PCSK5: variants seen among roughly 807,000 people sequenced by gnomAD.
PCSK5 encodes the protein proprotein convertase subtilisin/kexin type 5.
Under a neutral mutation model 233.2 loss-of-function variants are expected in PCSK5, and 129 were observed. The observed-to-expected ratio is 0.55, with a 90% CI of 0.48 to 0.64. The LOEUF (loss-of-function observed/expected upper bound fraction) is 0.64, where lower values mean the gene tolerates loss of function less well. PCSK5 is among the 30% of genes least tolerant of loss of function. The pLI, the probability that PCSK5 is intolerant of heterozygous loss-of-function variation, is 0.00. For synonymous variants in PCSK5, 825 were observed against 879.2 expected, an observed-to-expected ratio of 0.94 and a Z score of 1.09; for missense variants, 2,076 against 2,430.1, an observed-to-expected ratio of 0.85 and a Z score of 3.06.
intron 3 of PCSK5, among the ~76,000 whole-genome samples, chr9:76,003,031 T>C (rs1827325864): frequency 1.3e-5 from 2 of 152,360 alleles, no homozygotes; most frequent in South Asian, 4.1e-4. Context: ...CTTGTTTTCT[T>C]ACTATGGAGC....
chr9:76,255,549 A>C (rs1044432581), intron 24 of PCSK5, among the ~76,000 whole-genome samples: 1 of 152,204 alleles, frequency 6.6e-6, no homozygotes, highest in Non-Finnish European at 1.5e-5. Context: ...GGCTAGGCTC[A>C]GTGGCTTACA....
At chr9:75,976,618 T>G (rs539844430) in intron 2 of PCSK5, among the ~76,000 whole-genome samples, 14 of 152,048 alleles carry the variant, frequency 9.2e-5, no homozygotes, top group Admixed American at 2.6e-4. Flanking sequence ...AAAATTGTCC[T>G]TACAAGTTGT....
chr9:76,188,446 C>T lies in PCSK5; in HGVS notation c.2283-132C>T, dbSNP rs72738798. The T allele has an allele frequency of 8.6e-4, 529 of 616,830 alleles. 1 individual carries two copies. Among genetic ancestry groups the T allele is most frequent in the Non-Finnish European group, 1.3e-3 (455 of 342,986 alleles). 38.2% of individuals were successfully genotyped at this position (616,830 alleles called of 1,614,324 possible). A position where few individuals can be genotyped will look rare whatever the true frequency, so the allele number is the denominator to read the frequency against. Reference sequence around the variant, plus strand: ...AAAAAGGGTACACGGGCTATTTCCCCGGCTTTGAAGCTTTGCCAAATCCAC... The same window carrying T: ...AAAAAGGGTACACGGGCTATTTCCCTGGCTTTGAAGCTTTGCCAAATCCAC... On this transcript the variant is annotated intron_variant, in intron 17 of 37. Transcript: ENST00000674117.
chr9:76,142,642 ATAAT>A (rs1823273929), intron 10 of PCSK5, among the ~76,000 whole-genome samples: 1 of 152,230 alleles, frequency 6.6e-6, no homozygotes, highest in Non-Finnish European at 1.5e-5. Context: ...TATTCAGTTA[ATAAT>A]TCTGTTCAGA....
intron 10 of PCSK5, among the ~76,000 whole-genome samples, chr9:76,143,564 T>TGAAAG (rs57842870): frequency 0.33 from 49,606 of 151,628 alleles, 8,569 homozygotes; most frequent in African/African-American, 0.42. Context: ...CTGGTTGAAA[T>TGAAAG]GAAATTGTCT....
At chr9:76,232,729 T>C (rs150622376) in intron 21 of PCSK5, among the ~76,000 whole-genome samples, 1 of 152,188 alleles carries the variant, frequency 6.6e-6, no homozygotes, top group Admixed American at 6.5e-5. Flanking sequence ...CAAAGAATAA[T>C]GAAGCAAAAC....
chr9:76,348,207 G>A (rs9987416), intron 35 of PCSK5, among the ~76,000 whole-genome samples: 56,127 of 151,898 alleles, frequency 0.37, 10,456 homozygotes, highest in Middle Eastern at 0.52. Context: ...TTAGGTGTTC[G>A]AGACCAGCCT....
chr9:76,001,531 A>C (rs1476784918), intron 3 of PCSK5, among the ~76,000 whole-genome samples: 1 of 137,656 alleles, frequency 7.3e-6, no homozygotes, highest in South Asian at 2.3e-4. Context: ...TGTCGTTGGA[A>C]GGTTAGAAAA....
intron 9 of PCSK5, among the ~76,000 whole-genome samples, chr9:76,110,552 A>G (rs1832168303): frequency 6.6e-6 from 1 of 152,154 alleles, no homozygotes; most frequent in African/African-American, 2.4e-5. Context: ...AAACTAAGGG[A>G]AAAGAAAACA....
At chr9:75,947,011 G>A (rs1473837249) in intron 2 of PCSK5, among the ~76,000 whole-genome samples, 4 of 152,184 alleles carry the variant, frequency 2.6e-5, no homozygotes, top group Admixed American at 6.5e-5. Context: ...TAATACAGAT[G>A]TTATCTATTC....
chr9:76,202,748 A>G (rs968749671), intron 20 of PCSK5, among the ~76,000 whole-genome samples: 4 of 152,110 alleles, frequency 2.6e-5, no homozygotes, highest in African/African-American at 9.7e-5. Flanking sequence ...AGATCTCCTT[A>G]GTGTAAGCTT....
intron 2 of PCSK5, among the ~76,000 whole-genome samples, chr9:75,941,137 G>A (rs80035155): frequency 0.022 from 3,369 of 152,256 alleles, 58 homozygotes; most frequent in Non-Finnish European, 0.031. Context: ...TCCTTCCAGC[G>A]GGCGCTCCTG....
intron 37 of PCSK5, among the ~76,000 whole-genome samples, chr9:76,354,753 G>A (rs1403532348): frequency 1.3e-5 from 2 of 152,166 alleles, no homozygotes; most frequent in Non-Finnish European, 2.9e-5. Flanking sequence ...CTTCAGCCTG[G>A]GTGACAGAGC....
intron 8 of PCSK5, among the ~76,000 whole-genome samples, chr9:76,105,346 A>G (rs985741181): frequency 1.3e-5 from 2 of 152,242 alleles, no homozygotes; most frequent in Non-Finnish European, 2.9e-5. Context: ...ACATAGCAGT[A>G]GAAAGAAGAA....
Position 76,107,333 on chromosome 9 carries a change from C to T in PCSK5, c.1190C>T (p.Ala397Val). The T allele has an allele frequency of 6.2e-7, 1 of 1,612,930 alleles. No individual in the cohort carries two copies. Among genetic ancestry groups the T allele is most frequent in the Non-Finnish European group, 8.5e-7 (1 of 1,179,124 alleles). ...GCCCCCATGGCTGCAGGCATCATTG[C>T]GCTGGCCCTGGAAGCCAAGTAAGCC... ...ASAPMAAGII[A>V]LALEANPFLT... The change falls in exon 9 of 38, where the codon GCG becomes GTG. Residue 397 changes from alanine to valine, a missense_variant. Ala to Val is a moderately conservative substitution (Grantham distance 64, BLOSUM62 0). Coordinates refer to ENST00000674117, the MANE Select transcript of PCSK5 (RefSeq NM_001372043.1).
intron 20 of PCSK5, among the ~76,000 whole-genome samples, chr9:76,223,506 A>T (rs948450545): frequency 5.1e-4 from 78 of 152,324 alleles, no homozygotes; most frequent in African/African-American, 1.9e-3. Flanking sequence ...TAACTTTTTA[A>T]AATTTATAAG....
chr9:76,011,753 A>G (rs1250233116), intron 3 of PCSK5, among the ~76,000 whole-genome samples: 1 of 152,102 alleles, frequency 6.6e-6, no homozygotes, highest in Non-Finnish European at 1.5e-5. Context: ...GGGAACCTCA[A>G]TTTTGCTCTG....
At chr9:75,991,283 C>T (rs1330782200) in intron 3 of PCSK5, among the ~76,000 whole-genome samples, 2 of 152,084 alleles carry the variant, frequency 1.3e-5, no homozygotes, top group Non-Finnish European at 2.9e-5. Flanking sequence ...TGCCTACCCT[C>T]CCACCCCTGG....
At chr9:76,266,521 T>C (rs1827338890) in intron 24 of PCSK5, among the ~76,000 whole-genome samples, 1 of 152,206 alleles carries the variant, frequency 6.6e-6, no homozygotes, top group Admixed American at 6.5e-5. Flanking sequence ...TTCACAGCAG[T>C]GTTTTTATGG....
Sources: gnomAD v4.1 joint callset for allele counts (sites outside exome capture counted in the v4.1 genomes callset) on GRCh38, gnomAD v4.1.1 for gene constraint, MANE v1.5 for transcripts, NCBI Gene and HGNC (gene_info 2026-07-23, HGNC 2026-07-21) for gene names.